Variants in TLCD4 observed in about 807,000 individuals in gnomAD.
TLCD4 encodes the protein TLC domain containing 4, also known as TLC domain-containing protein 4.
In TLCD4, 7 loss-of-function variants were observed where a neutral mutation model predicts 24.2. The observed-to-expected ratio is 0.29, with a 90% CI of 0.16 to 0.54. The LOEUF (loss-of-function observed/expected upper bound fraction) is 0.54. Among genes scored for constraint, TLCD4 ranks in the 20% least tolerant of loss-of-function variants. The pLI is 0.95. For missense variants in TLCD4, 259 were observed against 313.9 expected, an observed-to-expected ratio of 0.82 and a Z score of 1.32; for synonymous variants, 103 against 106.4, an observed-to-expected ratio of 0.97 and a Z score of 0.20.
At chr1:95,106,543 A>T in the TLCD4 span, among the ~76,000 whole-genome samples, 3 of 152,120 alleles carry the variant, frequency 2.0e-5, no homozygotes, top group Non-Finnish European at 2.9e-5. Flanking sequence ...TCTACCAAAA[A>T]TTGGCTGGGC....
chr1:95,179,711 T>C (rs1678565659), intron 6 of TLCD4, among the ~76,000 whole-genome samples: 1 of 152,242 alleles, frequency 6.6e-6, no homozygotes, highest in Admixed American at 6.5e-5. Context: ...TGGCTCTGGC[T>C]GCTTACAGGA....
intron 1 of TLCD4, among the ~76,000 whole-genome samples, chr1:95,121,592 TC>T (rs1400568622): frequency 1.3e-5 from 2 of 152,202 alleles, no homozygotes; most frequent in Non-Finnish European, 2.9e-5. Context: ...TGCCTCAGCC[TC>T]CCAGGTAGCT....
chr1:95,098,316 C>T, the TLCD4 span, among the ~76,000 whole-genome samples: 1 of 152,174 alleles, frequency 6.6e-6, no homozygotes, highest in Admixed American at 6.5e-5. Flanking sequence ...TCTCCTTATT[C>T]TCTTGCTTAA....
In TLCD4 at chr1:95,128,080, G is replaced by A. The variant is rs376618621; in HGVS notation, c.-12+10463G>A. Among the ~76,000 whole-genome samples, 119 of 152,286 alleles carry A rather than the reference G, an allele frequency of 7.8e-4. 6 individuals carry two copies. In the South Asian group the frequency reaches 0.023, roughly 30 times the overall value. Reference sequence around the variant, plus strand: ...GATGGTGCCACTTTCTAGCCTGGGCGAAAGAGTAACACCGAAAAAAGTTTT... The same window carrying A: ...GATGGTGCCACTTTCTAGCCTGGGCAAAAGAGTAACACCGAAAAAAGTTTT... On this transcript the variant is annotated intron_variant, in intron 1 of 6. Transcript: ENST00000370203.
At chr1:95,115,171 G>A, upstream of TLCD4, among the ~76,000 whole-genome samples, 1 of 150,762 alleles carries the variant, frequency 6.6e-6, no homozygotes, top group Non-Finnish European at 1.5e-5. Context: ...GCTATGGTGT[G>A]AGCTCGGCTC....
intron 1 of TLCD4, among the ~76,000 whole-genome samples, chr1:95,133,668 A>G (rs1676963993): frequency 6.6e-6 from 1 of 152,084 alleles, no homozygotes; most frequent in South Asian, 2.1e-4. Context: ...TGAAAAGAAT[A>G]GGGACAATTT....
At chr1:95,140,106 G>T (rs982068668) in intron 1 of TLCD4, among the ~76,000 whole-genome samples, 15 of 151,834 alleles carry the variant, frequency 9.9e-5, no homozygotes, top group African/African-American at 3.6e-4. Context: ...TGTGTGTGTG[G>T]TTTTTTTTAA....
the TLCD4 span, among the ~76,000 whole-genome samples, chr1:95,103,871 C>A: frequency 7.2e-5 from 11 of 152,194 alleles, no homozygotes; most frequent in African/African-American, 2.7e-4. Flanking sequence ...TGGATTAAGA[C>A]AAAGTGAACT....
intron 6 of TLCD4, among the ~76,000 whole-genome samples, chr1:95,175,975 C>T (rs910487626): frequency 1.3e-5 from 2 of 151,860 alleles, no homozygotes; most frequent in African/African-American, 4.8e-5. Context: ...GGAGTTTCAC[C>T]ATGTTGCCCA....
At chr1:95,190,560 C>T (rs2101027417) in intron 6 of TLCD4, among the ~76,000 whole-genome samples, 1 of 152,160 alleles carries the variant, frequency 6.6e-6, no homozygotes, top group South Asian at 2.1e-4. Flanking sequence ...AACTCCTGAC[C>T]TGATGATCCA....
At chr1:95,151,452 CA>C (rs1557685547) in intron 5 of TLCD4, 33 bp downstream of exon 5, 3 of 1,600,266 alleles carry the variant, frequency 1.9e-6, no homozygotes, top group Non-Finnish European at 2.6e-6. Flanking sequence ...GCCTAACTAG[CA>C]GACAAGATTG....
At chr1:95,141,095 T>G (rs1282402965) in intron 1 of TLCD4, among the ~76,000 whole-genome samples, 1 of 152,206 alleles carries the variant, frequency 6.6e-6, no homozygotes, top group Non-Finnish European at 1.5e-5. Context: ...GAGCTCTTTA[T>G]TTAGTTTTAA....
intron 5 of TLCD4, among the ~76,000 whole-genome samples, chr1:95,158,221 T>G (rs1469311315): frequency 2.0e-5 from 3 of 150,950 alleles, no homozygotes; most frequent in Non-Finnish European, 4.4e-5. Context: ...AGAGTCTCAT[T>G]CTGTTGCCCA....
At chr1:95,093,264 A>G in the TLCD4 span, among the ~76,000 whole-genome samples, 1 of 152,164 alleles carries the variant, frequency 6.6e-6, no homozygotes, top group Non-Finnish European at 1.5e-5. Flanking sequence ...GCCAGTGGAG[A>G]GATTTCTGCT....
chr1:95,184,545 A>G (rs1375341244), intron 6 of TLCD4, among the ~76,000 whole-genome samples: 3 of 152,184 alleles, frequency 2.0e-5, no homozygotes, highest in Non-Finnish European at 4.4e-5. Flanking sequence ...GGGTAGGAGG[A>G]GGAATAATTG....
At chr1:95,177,487 T>A (rs1484321368) in intron 6 of TLCD4, among the ~76,000 whole-genome samples, 2 of 152,116 alleles carry the variant, frequency 1.3e-5, no homozygotes, top group Non-Finnish European at 2.9e-5. Flanking sequence ...CAGGAAGATG[T>A]TCAGGACAAT....
rs542939536 is a variant in TLCD4 at position 95,180,368 on chromosome 1, A to G, written c.473+6479A>G. On this transcript the variant is annotated intron_variant, in intron 6 of 6. Transcript: ENST00000370203. The stretch of plus-strand genomic sequence containing the variant: ...AAAGCTTTGAATCCTTCCTGTTAAG[A>G]AAATGAGAACTGGCGTTAGAATATG... Among the ~76,000 whole-genome samples the G allele has an allele frequency of 2.9e-4, 44 of 152,242 alleles. 1 individual carries two copies. Among genetic ancestry groups the G allele is most frequent in the Admixed American group, 2.7e-3 (41 of 15,276 alleles).
At chr1:95,150,647 G>T (rs1677470272) in intron 4 of TLCD4, among the ~76,000 whole-genome samples, 1 of 151,900 alleles carries the variant, frequency 6.6e-6, no homozygotes, top group African/African-American at 2.4e-5. Flanking sequence ...GTTTTGTGTT[G>T]TTTTTGTAAA....
the TLCD4 span, among the ~76,000 whole-genome samples, chr1:95,110,354 G>A: frequency 3.3e-5 from 5 of 151,718 alleles, no homozygotes; most frequent in East Asian, 7.8e-4. Context: ...TTTGAAGCTG[G>A]GTTTGAATTT....
Sources: allele counts gnomAD v4.1 joint callset (sites outside exome capture counted in the v4.1 genomes callset), GRCh38; gene constraint gnomAD v4.1.1; transcripts MANE v1.5; gene names NCBI Gene and HGNC (gene_info 2026-07-23, HGNC 2026-07-21).